The following SCAPER variants were observed in gnomAD, a reference collection of about 807,000 sequenced individuals.
SCAPER encodes the protein S-phase cyclin A associated protein in the ER.
In SCAPER, 98 loss-of-function variants were observed where a neutral mutation model predicts 182.2. The ratio of observed to expected loss-of-function variants is 0.54; its 90% confidence interval spans 0.46 to 0.64. SCAPER has a LOEUF of 0.64. Among genes scored for constraint, SCAPER ranks in the 30% least tolerant of loss-of-function variants. The pLI is 0.00. For synonymous variants in SCAPER, 605 were observed against 564.6 expected, an observed-to-expected ratio of 1.07 and a Z score of -1.01; for missense variants, 1,432 against 1,690.0, an observed-to-expected ratio of 0.85 and a Z score of 2.68.
At chr15:76,783,499 T>C (rs552559403) in intron 8 of SCAPER, among the ~76,000 whole-genome samples, 3 of 151,684 alleles carry the variant, frequency 2.0e-5, no homozygotes, top group African/African-American at 7.3e-5. Flanking sequence ...TTCCAATCAA[T>C]AGAAAAAAAG....
intron 31 of SCAPER, 178 bp from the exon 32 acceptor site, chr15:76,348,914 T>C: frequency 2.1e-6 from 1 of 474,596 alleles, no homozygotes; most frequent in East Asian, 3.3e-5. Flanking sequence ...CTATCTGTAG[T>C]ATAAAATATA....
chr15:76,439,064 C>T (rs1184705859), intron 25 of SCAPER, among the ~76,000 whole-genome samples: 1 of 151,900 alleles, frequency 6.6e-6, no homozygotes, highest in East Asian at 1.9e-4. Flanking sequence ...TAAGGAGGGG[C>T]TCATCTTCAG....
intron 5 of SCAPER, among the ~76,000 whole-genome samples, chr15:76,828,473 T>A (rs1261054099): frequency 6.6e-6 from 1 of 152,110 alleles, no homozygotes; most frequent in African/African-American, 2.4e-5. Flanking sequence ...AACTCAGAAA[T>A]TGTCAATAAA....
At chr15:76,588,722 T>C (rs2048877212) in intron 22 of SCAPER, among the ~76,000 whole-genome samples, 1 of 152,236 alleles carries the variant, frequency 6.6e-6, no homozygotes, top group Non-Finnish European at 1.5e-5. Flanking sequence ...AAAGAGGTTC[T>C]ATTTTGATGT....
intron 17 of SCAPER, among the ~76,000 whole-genome samples, chr15:76,712,259 G>A (rs4343243): frequency 0.49 from 74,502 of 151,756 alleles, 18,890 homozygotes; most frequent in East Asian, 0.67. Context: ...GATATGCGGC[G>A]TTATTTATGA....
rs574311302 is a variant in SCAPER, at chr15:76,851,894, G to A, written c.195+5915C>T. Among the ~76,000 whole-genome samples, 7 of 152,152 alleles carry A rather than the reference G, an allele frequency of 4.6e-5. No homozygotes were observed. The South Asian group carries it at 1.0e-3, about 23-fold the overall frequency. The stretch of plus-strand genomic sequence containing the variant: ...CCACTTAAAAGGCACAGAGTGGCAA[G>A]TTGGATTAAAAAAAACAAGACCCAA... On this transcript the variant is annotated intron_variant, in intron 4 of 31. Coordinates refer to ENST00000563290, the MANE Select transcript of SCAPER (RefSeq NM_020843.4).
rs149925987 is a variant in SCAPER at position 76,384,125 on chromosome 15, T to C, written c.3468-2510A>G. Among the ~76,000 whole-genome samples the C allele has an allele frequency of 7.2e-4, 110 of 152,324 alleles. No individual in the cohort carries two copies. In the East Asian group the frequency reaches 0.019, roughly 27 times the overall value. ...ATTATATAGGTTCCAAAAAGGGGCC[T>C]GTGTTTGTTTAACACTGATTGCCTT... is the stretch of plus-strand genomic sequence containing the variant. On this transcript the variant is annotated intron_variant, in intron 27 of 31. Coordinates refer to ENST00000563290, the MANE Select transcript of SCAPER (RefSeq NM_020843.4).
At chr15:76,736,269 T>C (rs1368247767) in intron 15 of SCAPER, among the ~76,000 whole-genome samples, 1 of 152,204 alleles carries the variant, frequency 6.6e-6, no homozygotes, top group African/African-American at 2.4e-5. Context: ...AGTTATAATC[T>C]TTTTTTCTGG....
At chr15:76,813,286 T>G (rs2066816527) in intron 5 of SCAPER, among the ~76,000 whole-genome samples, 1 of 122,580 alleles carries the variant, frequency 8.2e-6, no homozygotes, top group Admixed American at 7.9e-5. Flanking sequence ...AGAAGGAAAT[T>G]TCCTCAATAT....
Position 76,848,402 on chromosome 15 carries a change from C to A in SCAPER, c.196-6471G>T, listed in dbSNP as rs565259293. Among the ~76,000 whole-genome samples, 3 of 148,110 alleles carry A rather than the reference C, an allele frequency of 2.0e-5. No homozygotes were observed. The South Asian group carries it at 6.4e-4, about 32-fold the overall frequency. On this transcript the variant is annotated intron_variant, in intron 4 of 31. Transcript: ENST00000563290. ...GGAGTGCAGTGGTGCAATCTCGGTT[C>A]GGTTCACTGCAAGCTCTGCCTCCCA... is the stretch of plus-strand genomic sequence containing the variant.
At position 76,398,215 on chromosome 15, in the gene SCAPER, G is replaced by A. The variant is rs1282485860; in HGVS notation, c.3467+6309C>T. On this transcript the variant is annotated intron_variant, in intron 27 of 31. Transcript: ENST00000563290. The stretch of plus-strand genomic sequence containing the variant: ...AGCTAATCCCCACAGACAAGTAACC[G>A]TCATTTCTCCCTCCTCTGAACTCCA... Among the ~76,000 whole-genome samples the A allele has an allele frequency of 2.0e-5, 3 of 152,138 alleles. No individual in the cohort carries two copies. In the East Asian group the frequency reaches 5.8e-4, roughly 29 times the overall value.
chr15:76,631,337 G>A (rs559229854), intron 21 of SCAPER, among the ~76,000 whole-genome samples: 1 of 152,300 alleles, frequency 6.6e-6, no homozygotes, highest in South Asian at 2.1e-4. Flanking sequence ...TCATCACAAT[G>A]CTTACTGGCT....
In SCAPER at chr15:76,428,866, CTATATATATATATATATA is replaced by C. The variant is rs375991391; in HGVS notation, c.3311+5194_3311+5211del. Among the ~76,000 whole-genome samples the C allele has an allele frequency of 5.0e-5, 4 of 79,954 alleles. No homozygotes were observed. In the South Asian group the frequency reaches 1.7e-3, roughly 35 times the overall value. 52.5% of individuals were successfully genotyped at this position (79,954 alleles called of 152,430 possible). On this transcript the variant is annotated intron_variant, in intron 26 of 31. Coordinates refer to ENST00000563290, the MANE Select transcript of SCAPER (RefSeq NM_020843.4). ...TAGGTATCCTGATCAGATCATTATA[CTATATATATATATATATA>C]TATATATATAAACATCAAAATGTAC...
intron 5 of SCAPER, among the ~76,000 whole-genome samples, chr15:76,817,429 A>C (rs1184642489): frequency 1.3e-5 from 2 of 152,162 alleles, no homozygotes; most frequent in African/African-American, 2.4e-5. Context: ...GGAGGAAGGA[A>C]ATAGGGAGAT....
intron 21 of SCAPER, among the ~76,000 whole-genome samples, chr15:76,665,168 A>T (rs2056478160): frequency 6.6e-6 from 1 of 152,198 alleles, no homozygotes; most frequent in Admixed American, 6.5e-5. Flanking sequence ...GGCTGATGAT[A>T]AACTACAGGT....
At chr15:76,363,529 A>G (rs2041596373) in intron 29 of SCAPER, among the ~76,000 whole-genome samples, 1 of 152,194 alleles carries the variant, frequency 6.6e-6, no homozygotes, top group African/African-American at 2.4e-5. Context: ...GTCAAAACCT[A>G]AGGCCAAATC....
intron 15 of SCAPER, among the ~76,000 whole-genome samples, chr15:76,737,779 T>C (rs1053296378): frequency 3.3e-5 from 5 of 152,372 alleles, no homozygotes; most frequent in African/African-American, 9.6e-5. Context: ...TCAGCACTTA[T>C]TGCCTTACCT....
intron 22 of SCAPER, among the ~76,000 whole-genome samples, chr15:76,590,082 A>G (rs746676495): frequency 1.3e-5 from 2 of 152,132 alleles, no homozygotes; most frequent in African/African-American, 2.4e-5. Flanking sequence ...GGGTCTGTGG[A>G]TTCTCTCGGC....
intron 22 of SCAPER, among the ~76,000 whole-genome samples, chr15:76,604,256 G>C (rs1250626158): frequency 8.3e-6 from 1 of 120,202 alleles, no homozygotes; most frequent in African/African-American, 2.5e-5. Context: ...TAGCCAGTTT[G>C]CCCAGCACCA....
Sources: allele counts gnomAD v4.1 joint callset (sites outside exome capture counted in the v4.1 genomes callset), GRCh38; gene constraint gnomAD v4.1.1; transcripts MANE v1.5; gene names NCBI Gene and HGNC (gene_info 2026-07-23, HGNC 2026-07-21).